The following LMF1 variants were observed in gnomAD, a reference collection of about 807,000 sequenced individuals.
LMF1 encodes transmembrane protein 112.
In LMF1, 68 loss-of-function variants were observed where a neutral mutation model predicts 60.6. The observed-to-expected ratio is 1.12, with a 90% CI of 0.92 to 1.37. LMF1 has a LOEUF of 1.37. Ranked by LOEUF, LMF1 falls within the 40% of genes most tolerant of loss-of-function variation. LMF1 has a pLI of 0.00. For synonymous variants in LMF1, 418 were observed against 324.7 expected (o/e 1.29, Z -3.09); for missense variants, 948 against 767.2 (o/e 1.24, Z -2.78).
chr16:942,594 G>A (rs1286020272), intron 2 of LMF1, among the ~76,000 whole-genome samples: 2 of 148,492 alleles, frequency 1.3e-5, no homozygotes, highest in Non-Finnish European at 3.0e-5. Flanking sequence ...CCCACCGGGT[G>A]CTACGTGCCC....
In LMF1 at chr16:954,044, C is replaced by T. The variant is rs907419986; in HGVS notation, c.503+313G>A. ...ACACCCACCCCAAACCAGCCTCCTA[C>T]ACGTCCACACAGACACAGACCCACT... On this transcript the variant is annotated intron_variant, in intron 2 of 10. Coordinates refer to ENST00000262301, the MANE Select transcript of LMF1 (RefSeq NM_022773.4). Among the ~76,000 whole-genome samples, 6 of 140,870 alleles carry T rather than the reference C, an allele frequency of 4.3e-5. 2 individuals are homozygous for T. The highest frequency in any genetic ancestry group is 1.4e-4 in the Admixed American group (2 of 14,222). The allele number at this position is 140,870 out of a possible 152,430, so 92.4% of individuals were successfully genotyped here.
chr16:888,037 C>T (rs1277923997), intron 5 of LMF1, among the ~76,000 whole-genome samples: 2 of 152,216 alleles, frequency 1.3e-5, no homozygotes, highest in Non-Finnish European at 2.9e-5. Context: ...CTGGGGGGCT[C>T]CGTGCCCGTC....
rs1196677192 is a variant in LMF1, at chr16:870,894, G to A, written c.1079-12C>T. On this transcript the variant is annotated splice_polypyrimidine_tract_variant and intron_variant, in intron 7 of 10. Coordinates refer to ENST00000262301, the MANE Select transcript of LMF1 (RefSeq NM_022773.4). The stretch of plus-strand genomic sequence containing the variant: ...CCGCACCACGGAGCCTGGCAGGGGA[G>A]TGACATCTTCCAGGTGGGGCTCCCA... 2 of 1,598,398 alleles carry A rather than the reference G, an allele frequency of 1.3e-6. No homozygotes were observed. The highest frequency in any genetic ancestry group is 1.7e-6 in the Non-Finnish European group (2 of 1,175,912).
intron 4 of LMF1, chr16:903,989 C>T (rs28605790): frequency 1.9e-4 from 30 of 156,658 alleles, no homozygotes; most frequent in African/African-American, 4.1e-4. Flanking sequence ...GCCCACAGGA[C>T]GCCTGTCTCT....
intron 3 of LMF1, among the ~76,000 whole-genome samples, chr16:924,775 G>C (rs2151771975): frequency 6.6e-6 from 1 of 152,348 alleles, no homozygotes; most frequent in South Asian, 2.1e-4. Context: ...GCAACTACAA[G>C]AGGCAAAAAC....
chr16:914,155 G>C (rs1392829555), intron 3 of LMF1, among the ~76,000 whole-genome samples: 2 of 151,734 alleles, frequency 1.3e-5, no homozygotes, highest in Non-Finnish European at 2.9e-5. Flanking sequence ...ACTGCAACCT[G>C]GGCCACCCCG....
rs1204473465 is a variant in LMF1, at chr16:878,658, A to G, written c.897+912T>C. On this transcript the variant is annotated intron_variant, in intron 6 of 10. Transcript: ENST00000262301. The surrounding 1 kb of genome is among the most constrained non-coding windows in gnomAD (Gnocchi z 5.2). ...ACCATGGGCGCCCCCACGTGCACCAACGTGGCGTGGCACCCGTGCCTGCTG... is the reference window on the plus strand; with the variant it reads ...ACCATGGGCGCCCCCACGTGCACCAGCGTGGCGTGGCACCCGTGCCTGCTG... Among the ~76,000 whole-genome samples, 2 of 150,162 alleles carry G rather than the reference A, an allele frequency of 1.3e-5. No homozygotes were observed. Among genetic ancestry groups the G allele is most frequent in the African/African-American group, 2.4e-5 (1 of 40,848 alleles).
intron 1 of LMF1, among the ~76,000 whole-genome samples, chr16:956,822 C>T (rs71380225): frequency 0.082 from 10,825 of 132,738 alleles, 725 homozygotes; most frequent in African/African-American, 0.2. Flanking sequence ...CCAGCCTGGA[C>T]GACAAGAGCA....
At chr16:932,509 C>T (rs200568685) in intron 3 of LMF1, among the ~76,000 whole-genome samples, 1 of 152,206 alleles carries the variant, frequency 6.6e-6, no homozygotes, top group Non-Finnish European at 1.5e-5. Flanking sequence ...TCCCGCTAGA[C>T]ACAGGTGTCA....
At position 874,036 on chromosome 16, in the gene LMF1, C is replaced by T. The variant is rs573391084; in HGVS notation, c.898-2695G>A. Reference sequence around the variant, plus strand: ...AAGCTCCCAGTGGCTGGTGGAGGCCCGGCGGCGGGTGTGAGGGTCTCCTTT... The same window carrying T: ...AAGCTCCCAGTGGCTGGTGGAGGCCTGGCGGCGGGTGTGAGGGTCTCCTTT... On this transcript the variant is annotated intron_variant, in intron 6 of 10. Transcript: ENST00000262301. The surrounding 1 kb of genome is among the most constrained non-coding windows in gnomAD (Gnocchi z 4.1). 7.9e-5 allele frequency among the ~76,000 whole-genome samples: 12 copies of T among 152,268 alleles called. No individual in the cohort carries two copies. The South Asian group carries it at 8.3e-4, about 11-fold the overall frequency.
upstream of LMF1, among the ~76,000 whole-genome samples, chr16:971,178 C>T (rs1018450324): frequency 6.6e-6 from 1 of 152,154 alleles, no homozygotes; most frequent in Admixed American, 6.5e-5. Context: ...TGCCCGGAGC[C>T]TGCCTCCTTC....
intron 4 of LMF1, among the ~76,000 whole-genome samples, chr16:910,407 C>G (rs1055181644): frequency 6.6e-6 from 1 of 152,194 alleles, no homozygotes; most frequent in Admixed American, 6.5e-5. Flanking sequence ...ACGTCAAAGC[C>G]AAGCAGGCAA....
At chr16:854,867 C>A (rs955890171) in intron 10 of LMF1, 161 bp from the exon 11 acceptor site, 12 of 692,192 alleles carry the variant, frequency 1.7e-5, no homozygotes, top group South Asian at 4.9e-5. Context: ...CCCCAGCAGA[C>A]CCCGGGCAGG....
intron 1 of LMF1, among the ~76,000 whole-genome samples, chr16:956,882 C>T (rs8059304): frequency 0.21 from 28,269 of 135,192 alleles, 2,964 homozygotes; most frequent in South Asian, 0.36. Context: ...GGGTCGGGCA[C>T]GGTGGCTCAC....
At chr16:938,477 C>T (rs544277891) in intron 2 of LMF1, among the ~76,000 whole-genome samples, 3 of 152,200 alleles carry the variant, frequency 2.0e-5, no homozygotes, top group South Asian at 4.1e-4. Context: ...CATACCAGTT[C>T]GGCAGTGCCA....
intron 8 of LMF1, 45 bp from the exon 9 acceptor site, chr16:870,111 T>C: frequency 1.3e-6 from 2 of 1,574,238 alleles, no homozygotes; most frequent in Non-Finnish European, 1.7e-6. Flanking sequence ...ACACACCGGC[T>C]GGGCCGAGTG....
chr16:890,590 CCTCAGTGT>C (rs1434532863), intron 5 of LMF1, among the ~76,000 whole-genome samples: 1 of 152,216 alleles, frequency 6.6e-6, no homozygotes, highest in African/African-American at 2.4e-5. Context: ...TGCACTCCAG[CCTCAGTGT>C]CTGGAGATGG....
intron 2 of LMF1, among the ~76,000 whole-genome samples, chr16:939,291 C>T (rs765988902): frequency 4.6e-5 from 7 of 152,212 alleles, no homozygotes; most frequent in Non-Finnish European, 7.3e-5. Flanking sequence ...TGCAGGCTGG[C>T]GGCACCCGTC....
intron 3 of LMF1, among the ~76,000 whole-genome samples, chr16:916,791 A>T (rs1042826219): frequency 2.6e-5 from 4 of 152,208 alleles, no homozygotes; most frequent in African/African-American, 9.6e-5. Flanking sequence ...CGGCCTTGGG[A>T]TGCCTCGTTG....
Sources: gnomAD v4.1 joint callset for allele counts (sites outside exome capture counted in the v4.1 genomes callset) on GRCh38, gnomAD v4.1.1 for gene constraint, Gnocchi (gnomAD v3.1) non-coding constraint, MANE v1.5 for transcripts, NCBI Gene and HGNC (gene_info 2026-07-23, HGNC 2026-07-21) for gene names.